Variants in SPTBN1 observed in about 807,000 individuals in gnomAD.
SPTBN1 encodes the protein spectrin beta chain, non-erythrocytic 1.
SPTBN1 carries 32 observed loss-of-function variants against 266.4 expected under a neutral mutation model. The observed-to-expected ratio is 0.12, with a 90% CI of 0.09 to 0.16. The LOEUF is 0.16. SPTBN1 is among the 10% of genes least tolerant of loss of function. The pLI is 1.00. For synonymous variants in SPTBN1, 1,336 were observed against 1,162.2 expected, an observed-to-expected ratio of 1.15 and a Z score of -3.04; for missense variants, 2,296 against 3,067.1, an observed-to-expected ratio of 0.75 and a Z score of 5.94.
chr2:54,632,506 A>G, intron 16 of SPTBN1, 60 bp from the exon 17 acceptor site: 1 of 1,533,020 alleles, frequency 6.5e-7, no homozygotes. Context: ...GGAAATGTAG[A>G]ACACAGGAAA....
rs574018974 is a variant in SPTBN1, at chr2:54,626,248, G to A, written c.1644+14G>A. On this transcript the variant is annotated intron_variant, in intron 12 of 35. Coordinates refer to ENST00000356805, the MANE Select transcript of SPTBN1 (RefSeq NM_003128.3). This position sits in a 1 kb window ranked among gnomAD's most constrained non-coding sequence, Gnocchi z 4.7. Reference sequence around the variant, plus strand: ...GATGAAATGAAGGTAAAACCTGACCGAAAGGAAGGACGACAGAGCTGATCC... The same window carrying A: ...GATGAAATGAAGGTAAAACCTGACCAAAAGGAAGGACGACAGAGCTGATCC... 170 of 1,607,188 alleles carry A rather than the reference G, an allele frequency of 1.1e-4. 2 individuals are homozygous for A. Among genetic ancestry groups the A allele is most frequent in the South Asian group, 9.9e-4 (90 of 90,578 alleles).
At chr2:54,548,518 G>T (rs905740150) in intron 2 of SPTBN1, among the ~76,000 whole-genome samples, 1 of 152,208 alleles carries the variant, frequency 6.6e-6, no homozygotes, top group Admixed American at 6.5e-5. Flanking sequence ...ACATTAAGGT[G>T]AGTTTTCCCT....
intron 1 of SPTBN1, among the ~76,000 whole-genome samples, chr2:54,511,823 A>G (rs1035731927): frequency 6.6e-6 from 1 of 152,068 alleles, no homozygotes; most frequent in Non-Finnish European, 1.5e-5. Flanking sequence ...GTGAGCCAAG[A>G]TCATGCCACT....
intron 1 of SPTBN1, chr2:54,520,456 C>T (rs1173137652): frequency 2.0e-5 from 3 of 152,150 alleles, no homozygotes; most frequent in African/African-American, 4.8e-5. Flanking sequence ...CCATTTCTGC[C>T]TTGATCCACC....
chr2:54,543,073 C>T (rs957598613), intron 2 of SPTBN1, among the ~76,000 whole-genome samples: 1 of 152,106 alleles, frequency 6.6e-6, no homozygotes, highest in African/African-American at 2.4e-5. Context: ...CTGAATGTTC[C>T]TGGGTTTGGA....
Position 54,668,685 on chromosome 2 carries a change from T to A in SPTBN1, c.*116T>A. On this transcript the variant is annotated 3_prime_UTR_variant, in exon 36 of 36. Transcript: ENST00000356805. ...AATGTTCCTCAATGTGGTTGATTTT[T>A]TTTTTTTTTTAATTTATAGAGCATT... 1.0e-6 allele frequency: 1 copy of A among 989,032 alleles called. No homozygotes were observed. The highest frequency in any genetic ancestry group is 1.7e-5 in the African/African-American group (1 of 59,198). The allele number at this position is 989,032 out of a possible 1,614,324, so 61.3% of individuals were successfully genotyped here.
At chr2:54,641,298 C>G (rs1410911945) in intron 18 of SPTBN1, among the ~76,000 whole-genome samples, 3 of 151,732 alleles carry the variant, frequency 2.0e-5, no homozygotes, top group Non-Finnish European at 2.9e-5. Flanking sequence ...GTAGCGCGCT[C>G]TCTCTCTCTC....
At chr2:54,613,930 CTG>C (rs1262331534) in intron 4 of SPTBN1, among the ~76,000 whole-genome samples, 2 of 152,236 alleles carry the variant, frequency 1.3e-5, no homozygotes, top group Non-Finnish European at 2.9e-5. Flanking sequence ...GCCATCCTGA[CTG>C]TGGGCTATCT....
At chr2:54,490,263 G>C (rs537477817) in intron 1 of SPTBN1, among the ~76,000 whole-genome samples, 7 of 152,096 alleles carry the variant, frequency 4.6e-5, no homozygotes, top group Non-Finnish European at 7.4e-5. Flanking sequence ...GTAGAGACAG[G>C]GTTTCACCAT....
chr2:54,641,346 C>T (rs2941583), intron 18 of SPTBN1, among the ~76,000 whole-genome samples: 118,701 of 152,196 alleles, frequency 0.78, 47,107 homozygotes, highest in African/African-American at 0.93. Flanking sequence ...TTATGAATAG[C>T]GAAAATATGT....
rs564273758 is a variant in SPTBN1 at position 54,620,985 on chromosome 2, C to T, written c.764-415C>T. On this transcript the variant is annotated intron_variant, in intron 7 of 35. Coordinates refer to ENST00000356805, the MANE Select transcript of SPTBN1 (RefSeq NM_003128.3). ...CAGGATGGGTCTGAAACATGAGTGA[C>T]AATAAGGATTCCATAAATAAGGGTC... 3.9e-5 allele frequency among the ~76,000 whole-genome samples: 6 copies of T among 152,146 alleles called. No homozygotes were observed. In the South Asian group the frequency reaches 1.3e-3, roughly 32 times the overall value.
intron 2 of SPTBN1, among the ~76,000 whole-genome samples, chr2:54,574,961 G>A (rs1021825997): frequency 3.3e-5 from 5 of 152,168 alleles, no homozygotes; most frequent in African/African-American, 1.2e-4. Flanking sequence ...GGAACCTGAG[G>A]ACCAGAAAGA....
At chr2:54,473,503 G>GA (rs1694029774) in intron 1 of SPTBN1, among the ~76,000 whole-genome samples, 1 of 147,858 alleles carries the variant, frequency 6.8e-6, no homozygotes, top group Non-Finnish European at 1.5e-5. Context: ...CTCCAGTTTT[G>GA]TTTTTTTTTT....
chr2:54,603,969 A>G (rs1459193706), intron 3 of SPTBN1, among the ~76,000 whole-genome samples: 2 of 152,326 alleles, frequency 1.3e-5, no homozygotes, highest in Admixed American at 6.5e-5. Context: ...CTGTCCTGCA[A>G]CACCCTGTAG....
intron 32 of SPTBN1, chr2:54,663,824 C>T (rs1376865482): frequency 6.6e-6 from 1 of 152,226 alleles, no homozygotes; most frequent in Non-Finnish European, 1.5e-5. Context: ...CATTTCCTTC[C>T]AGCTCTTAAG....
intron 2 of SPTBN1, among the ~76,000 whole-genome samples, chr2:54,575,744 G>A (rs1002127926): frequency 4.6e-5 from 7 of 152,220 alleles, no homozygotes; most frequent in African/African-American, 9.6e-5. Flanking sequence ...ACTCAGTGGC[G>A]TGAAGGCTCA....
At chr2:54,580,850 C>T (rs1409078322) in intron 2 of SPTBN1, among the ~76,000 whole-genome samples, 2 of 152,070 alleles carry the variant, frequency 1.3e-5, no homozygotes, top group Non-Finnish European at 2.9e-5. Flanking sequence ...GTAATTCCAG[C>T]ATTTTGGGAG....
At chr2:54,458,773 T>C (rs1693204918) in intron 1 of SPTBN1, among the ~76,000 whole-genome samples, 1 of 152,222 alleles carries the variant, frequency 6.6e-6, no homozygotes, top group Admixed American at 6.5e-5. Flanking sequence ...CAGGCTTTCC[T>C]AAAATGTTTA....
intron 2 of SPTBN1, among the ~76,000 whole-genome samples, chr2:54,573,785 C>A (rs1267203268): frequency 1.3e-5 from 2 of 152,148 alleles, no homozygotes; most frequent in African/African-American, 4.8e-5. Flanking sequence ...TGCTCAGGCA[C>A]TAGGGCCACA....
Sources: allele counts gnomAD v4.1 joint callset (sites outside exome capture counted in the v4.1 genomes callset), GRCh38; gene constraint gnomAD v4.1.1; non-coding constraint Gnocchi (gnomAD v3.1); transcripts MANE v1.5; gene names NCBI Gene and HGNC (gene_info 2026-07-23, HGNC 2026-07-21).